Variants in COL27A1 observed in about 807,000 individuals in gnomAD.
The protein encoded by COL27A1 is collagen type XXVII alpha 1 chain, also known as collagen alpha-1(XXVII) chain.
COL27A1 carries 106 observed loss-of-function variants against 251.3 expected under a neutral mutation model. The observed-to-expected ratio is 0.42, with a 90% CI of 0.36 to 0.50. The LOEUF is 0.50. COL27A1 is among the 20% of genes least tolerant of loss of function. The probability of loss-of-function intolerance (pLI) is 0.00; values close to 1 mark genes in which losing one functional copy is unlikely to be tolerated. For synonymous variants in COL27A1, 1,000 were observed against 986.3 expected, an observed-to-expected ratio of 1.01 and a Z score of -0.26; for missense variants, 2,325 against 2,522.8, an observed-to-expected ratio of 0.92 and a Z score of 1.68.
chr9:114,169,196 C>G lies in COL27A1; in HGVS notation c.1641C>G (p.Pro547=). 2 of 1,614,100 alleles carry G rather than the reference C, an allele frequency of 1.2e-6. No individual in the cohort carries two copies. Among genetic ancestry groups the G allele is most frequent in the African/African-American group, 2.7e-5 (2 of 75,036 alleles). ...CGGAAGCCTCAAAGAAAGCCGGACC[C>G]AAGAGCAGCCCCCGGAAGCCTGTCC... ...IGSEASKKAG[P]KSSPRKPVPL... Residue 547 remains proline (P), a synonymous_variant, in exon 3 of 61, where the codon CCC becomes CCG. Transcript: ENST00000356083.
chr9:114,266,681 C>G, intron 33 of COL27A1, 63 bp downstream of exon 33: 3 of 1,442,512 alleles, frequency 2.1e-6, no homozygotes, highest in Non-Finnish European at 2.9e-6. Context: ...CCCTTCCCTT[C>G]CCTCCTCCCC....
chr9:114,292,078 G>C, intron 48 of COL27A1, 25 bp from the exon 49 acceptor site: 1 of 1,547,790 alleles, frequency 6.5e-7, no homozygotes, highest in Non-Finnish European at 8.7e-7. Context: ...ACTTTGACTG[G>C]TAATTTTTTG....
At chr9:114,292,321 A>T in intron 49 of COL27A1, 111 bp downstream of exon 49, 1 of 855,382 alleles carries the variant, frequency 1.2e-6, no homozygotes. Context: ...AAACACACTG[A>T]CCCAGAAGCC....
intron 6 of COL27A1, among the ~76,000 whole-genome samples, chr9:114,195,709 G>A (rs73562512): frequency 0.037 from 5,625 of 152,286 alleles, 375 homozygotes; most frequent in African/African-American, 0.13. Context: ...TCTTCAAGTG[G>A]TGTCTTCTGC....
chr9:114,227,253 A>G lies in COL27A1; in HGVS notation c.2467-3826A>G, dbSNP rs56978671. On this transcript the variant is annotated intron_variant, in intron 14 of 60. Transcript: ENST00000356083. ...ACAACTCAATTTTTCTGAGTCTCCAACCTGACCTGATGCCCTGTCTCATGT... is the reference window on the plus strand; with the variant it reads ...ACAACTCAATTTTTCTGAGTCTCCAGCCTGACCTGATGCCCTGTCTCATGT... Among the ~76,000 whole-genome samples the G allele has an allele frequency of 4.9e-3, 733 of 151,128 alleles. 5 individuals are homozygous for G. The highest frequency in any genetic ancestry group is 0.017 in the African/African-American group (699 of 41,180).
At chr9:114,183,163 G>A in intron 5 of COL27A1, 88 bp downstream of exon 5, 2 of 1,286,350 alleles carry the variant, frequency 1.6e-6, no homozygotes, top group Non-Finnish European at 2.3e-6. Context: ...CTGGTGGGAG[G>A]GCTTCAGGGG....
At position 114,311,906 on chromosome 9, in the gene COL27A1, A is replaced by C. The variant is rs577809557; in HGVS notation, c.*1211A>C. 1 of 152,350 alleles carries C rather than the reference A, an allele frequency of 6.6e-6. No individual in the cohort carries two copies. The highest frequency in any genetic ancestry group is 2.1e-4 in the South Asian group (1 of 4,830). 9.4% of individuals were successfully genotyped at this position (152,350 alleles called of 1,614,324 possible). A position where few individuals can be genotyped will look rare whatever the true frequency, so the allele number is the denominator to read the frequency against. ...TCACTTCCAGGAGCCTGTCCTTGCAAGATGCAATCATCGTTCCTGCTTTTT... is the reference window on the plus strand; with the variant it reads ...TCACTTCCAGGAGCCTGTCCTTGCACGATGCAATCATCGTTCCTGCTTTTT... On this transcript the variant is annotated 3_prime_UTR_variant, in exon 61 of 61. Transcript: ENST00000356083.
At chr9:114,252,810 C>T (rs1245387252) in intron 26 of COL27A1, 69 bp from the exon 27 acceptor site, 26 of 1,533,532 alleles carry the variant, frequency 1.7e-5, no homozygotes, top group South Asian at 1.1e-4. Flanking sequence ...GGGGCTGAGC[C>T]GACCGAGGTG....
chr9:114,274,773 T>C (rs1835380032), intron 36 of COL27A1, among the ~76,000 whole-genome samples: 1 of 152,182 alleles, frequency 6.6e-6, no homozygotes, highest in Admixed American at 6.5e-5. Context: ...GTTGCTTCAC[T>C]GCCCTGAGCC....
intron 3 of COL27A1, among the ~76,000 whole-genome samples, chr9:114,170,888 C>T (rs950549288): frequency 6.6e-6 from 1 of 152,290 alleles, no homozygotes; most frequent in African/African-American, 2.4e-5. Context: ...GGCTCAATGG[C>T]GGTGAGGTCA....
At chr9:114,212,742 A>G (rs1830448090) in intron 12 of COL27A1, among the ~76,000 whole-genome samples, 1 of 151,580 alleles carries the variant, frequency 6.6e-6, no homozygotes, top group Non-Finnish European at 1.5e-5. Context: ...AGTATGGCTC[A>G]TAAGACCATT....
intron 14 of COL27A1, among the ~76,000 whole-genome samples, chr9:114,228,619 G>A (rs1197016169): frequency 6.6e-6 from 1 of 152,208 alleles, no homozygotes; most frequent in Non-Finnish European, 1.5e-5. Context: ...TAACCTCTCA[G>A]AGCCTCAGTT....
intron 58 of COL27A1, 138 bp from the exon 59 acceptor site, chr9:114,307,531 C>T (rs1829141760): frequency 1.5e-6 from 1 of 672,628 alleles, no homozygotes; most frequent in Admixed American, 2.3e-5. Flanking sequence ...TTGGAGGAAT[C>T]CCTTTTCTGC....
At chr9:114,227,705 G>T (rs1345208154) in intron 14 of COL27A1, among the ~76,000 whole-genome samples, 1 of 152,168 alleles carries the variant, frequency 6.6e-6, no homozygotes, top group Non-Finnish European at 1.5e-5. Flanking sequence ...TGTTCTTGGT[G>T]GGAGTCAGTG....
At chr9:114,243,626 G>A (rs1309276507) in intron 23 of COL27A1, 66 bp downstream of exon 23, 1 of 1,372,012 alleles carries the variant, frequency 7.3e-7, no homozygotes, top group Non-Finnish European at 1.0e-6. Context: ...TGGGCCCCAA[G>A]TCAAGCCCCA....
At chr9:114,185,883 T>C (rs1564443990) in intron 5 of COL27A1, among the ~76,000 whole-genome samples, 1 of 152,214 alleles carries the variant, frequency 6.6e-6, no homozygotes. Context: ...TATGGCCTTG[T>C]GGGAAGACGA....
intron 7 of COL27A1, among the ~76,000 whole-genome samples, chr9:114,198,584 G>A (rs1293028124): frequency 6.6e-6 from 1 of 152,228 alleles, no homozygotes; most frequent in Admixed American, 6.5e-5. Flanking sequence ...TTTCTAAGCT[G>A]CAGGGCTAGG....
chr9:114,269,760 G>A (rs894575035), intron 35 of COL27A1, among the ~76,000 whole-genome samples: 2 of 152,102 alleles, frequency 1.3e-5, no homozygotes, highest in African/African-American at 2.4e-5. Context: ...AGTGAGTAAC[G>A]GAGGCCTGTC....
At chr9:114,163,697 C>A (rs1027650990) in intron 2 of COL27A1, among the ~76,000 whole-genome samples, 2 of 152,222 alleles carry the variant, frequency 1.3e-5, no homozygotes, top group Non-Finnish European at 2.9e-5. Flanking sequence ...CCTGACCTGG[C>A]CACTCGGCAG....
Sources: allele counts gnomAD v4.1 joint callset (sites outside exome capture counted in the v4.1 genomes callset), GRCh38; gene constraint gnomAD v4.1.1; transcripts MANE v1.5; gene names NCBI Gene and HGNC (gene_info 2026-07-23, HGNC 2026-07-21).